Variants in KLHL22 observed in about 807,000 individuals in gnomAD.
KLHL22 encodes kelch-like protein 22.
KLHL22 carries 18 observed loss-of-function variants against 60.7 expected under a neutral mutation model. The observed-to-expected ratio is 0.30, with a 90% confidence interval of 0.20 to 0.44. KLHL22 has a LOEUF of 0.44. Among genes scored for constraint, KLHL22 ranks in the 20% least tolerant of loss-of-function variants. KLHL22 has a pLI of 1.00. For missense variants in KLHL22, 596 were observed against 852.3 expected (o/e 0.70, Z 3.74); for synonymous variants, 355 against 354.5 (o/e 1.00, Z -0.01).
chr22:20,476,380 G>A (rs1194772446), intron 2 of KLHL22, among the ~76,000 whole-genome samples: 1 of 151,624 alleles, frequency 6.6e-6, no homozygotes, highest in East Asian at 1.9e-4. Context: ...CCCTGAGCAG[G>A]GTGTGGGTGC....
chr22:20,476,818 C>T (rs2053423044), intron 2 of KLHL22, among the ~76,000 whole-genome samples: 1 of 151,324 alleles, frequency 6.6e-6, no homozygotes, highest in African/African-American at 2.4e-5. Flanking sequence ...AAGCGATTCT[C>T]CTGCCTCAGC....
chr22:20,468,658 G>T (rs177343), intron 3 of KLHL22, among the ~76,000 whole-genome samples: 97,673 of 152,058 alleles, frequency 0.64, 31,561 homozygotes, highest in Admixed American at 0.75. Context: ...ATATTGTGAA[G>T]AAGCCTGTTT....
At chr22:20,485,660 G>C (rs1263868619) in intron 2 of KLHL22, among the ~76,000 whole-genome samples, 1 of 152,214 alleles carries the variant, frequency 6.6e-6, no homozygotes, top group East Asian at 1.9e-4. Flanking sequence ...CTGAGGTCAG[G>C]AGTTGGAGAC....
At chr22:20,487,457 A>G (rs992020415) in intron 2 of KLHL22, among the ~76,000 whole-genome samples, 2 of 151,214 alleles carry the variant, frequency 1.3e-5, no homozygotes, top group Non-Finnish European at 2.9e-5. Context: ...CCTGGCCTCA[A>G]GTGATCCACC....
chr22:20,474,306 T>C (rs971457436), intron 2 of KLHL22, among the ~76,000 whole-genome samples: 2 of 152,118 alleles, frequency 1.3e-5, no homozygotes, highest in African/African-American at 4.8e-5. Context: ...GCCCGGTTTT[T>C]ACTTAACAAT....
At chr22:20,489,823 G>A (rs1243171053) in intron 1 of KLHL22, 2 of 470,776 alleles carry the variant, frequency 4.2e-6, no homozygotes, top group South Asian at 1.6e-5. Flanking sequence ...GTGCCAAGGG[G>A]GTGGCATTTC....
chr22:20,450,140 C>T, intron 5 of KLHL22: 1 of 792,614 alleles, frequency 1.3e-6, no homozygotes, highest in Non-Finnish European at 2.3e-6. Context: ...CATTATGGCC[C>T]CCAAAGACAT....
rs114337925 is a variant in KLHL22, at chr22:20,494,872, T to C, written c.-34+888A>G. On this transcript the variant is annotated intron_variant, in intron 1 of 6. Coordinates refer to ENST00000328879, the MANE Select transcript of KLHL22 (RefSeq NM_032775.4). ...GAGGAACTTTCAGTTCGGTACGATTTTACTGAGTAGATACCCTCAGCCTTC... is the reference window on the plus strand; with the variant it reads ...GAGGAACTTTCAGTTCGGTACGATTCTACTGAGTAGATACCCTCAGCCTTC... 3.3e-3 allele frequency among the ~76,000 whole-genome samples: 510 copies of C among 152,326 alleles called. 3 individuals are homozygous for C. The highest frequency in any genetic ancestry group is 0.012 in the African/African-American group (493 of 41,570).
At chr22:20,491,237 C>T (rs1405876818) in intron 1 of KLHL22, 1 of 152,196 alleles carries the variant, frequency 6.6e-6, no homozygotes, top group Non-Finnish European at 1.5e-5. Context: ...TTCAACTATC[C>T]AGAAGTTTTC....
chr22:20,453,919 G>C (rs887491902), intron 5 of KLHL22, among the ~76,000 whole-genome samples: 3 of 151,924 alleles, frequency 2.0e-5, no homozygotes, highest in African/African-American at 4.8e-5. Flanking sequence ...ATTTTTAGTA[G>C]AGATGGGGTT....
intron 5 of KLHL22, 40 bp from the exon 6 acceptor site, chr22:20,446,716 T>A (rs1173613477): frequency 2.0e-6 from 3 of 1,518,262 alleles, no homozygotes; most frequent in Admixed American, 1.7e-5. Context: ...GAGAGGGCAG[T>A]GAGGAAGGGT....
intron 2 of KLHL22, among the ~76,000 whole-genome samples, chr22:20,486,164 C>T (rs1307698789): frequency 2.1e-5 from 2 of 95,896 alleles, no homozygotes; most frequent in Non-Finnish European, 2.2e-5. Flanking sequence ...GAGATTCCGT[C>T]TCAAAAAAAA....
At position 20,446,514 on chromosome 22, in the gene KLHL22, T is replaced by G; in HGVS notation, c.1468A>C (p.Thr490Pro). ...ATCACATACAGCTTGTTGAGGAGGGTTGCCATGCCGTGCCAGGCGCGCCGC... is the reference window on the plus strand; with the variant it reads ...ATCACATACAGCTTGTTGAGGAGGGGTGCCATGCCGTGCCAGGCGCGCCGC... ...PVRRAWHGMA[T>P]LLNKLYVIGG... The change falls in exon 6 of 7, where the codon ACC (threonine) becomes CCC (proline). Residue 490 changes from threonine to proline, a missense_variant. By Grantham distance (38) the Thr-to-Pro change is conservative. Transcript: ENST00000328879. 1 of 1,613,308 alleles carries G rather than the reference T, an allele frequency of 6.2e-7. No homozygotes were observed. Among genetic ancestry groups the G allele is most frequent in the South Asian group, 1.1e-5 (1 of 91,066 alleles).
chr22:20,489,217 C>G lies in KLHL22; in HGVS notation c.-6G>C, dbSNP rs887935726. On this transcript the variant is annotated 5_prime_UTR_variant, in exon 2 of 7. Transcript: ENST00000328879. Reference sequence around the variant, plus strand: ...AACTCCTGCTCCTCTGCCATCCTGACAGCCACAAGATCCCTTACAACTGTG... The same window carrying G: ...AACTCCTGCTCCTCTGCCATCCTGAGAGCCACAAGATCCCTTACAACTGTG... The G allele has an allele frequency of 1.2e-5, 19 of 1,613,714 alleles. No homozygotes were observed. Among genetic ancestry groups the G allele is most frequent in the Non-Finnish European group, 1.5e-5 (18 of 1,180,000 alleles).
At chr22:20,444,219 A>G (rs536548542) in intron 6 of KLHL22, among the ~76,000 whole-genome samples, 1 of 152,124 alleles carries the variant, frequency 6.6e-6, no homozygotes, top group Admixed American at 6.5e-5. Flanking sequence ...CTAGCAAGGA[A>G]ATGGGACTGC....
chr22:20,456,144 A>C lies in KLHL22; in HGVS notation c.1305+1664T>G, dbSNP rs1300231191. 1.3e-5 allele frequency: 2 copies of C among 152,194 alleles called. 1 individual carries two copies. Among genetic ancestry groups the C allele is most frequent in the African/African-American group, 4.8e-5 (2 of 41,456 alleles). The allele number at this position is 152,194 out of a possible 1,614,324, so 9.4% of individuals were successfully genotyped here. On this transcript the variant is annotated intron_variant, in intron 5 of 6. Coordinates refer to ENST00000328879, the MANE Select transcript of KLHL22 (RefSeq NM_032775.4). ...CTCCTCAGATGGACATTCCCCAAAA[A>C]GTCCCTCTAGATTCATCCTACCAGA...
chr22:20,448,555 G>C (rs1326975868), intron 5 of KLHL22, among the ~76,000 whole-genome samples: 2 of 152,124 alleles, frequency 1.3e-5, no homozygotes, highest in Non-Finnish European at 2.9e-5. Flanking sequence ...TAACATTCAT[G>C]TACAGATAAG....
At chr22:20,488,856 C>T in intron 2 of KLHL22, 129 bp downstream of exon 2, 4 of 816,288 alleles carry the variant, frequency 4.9e-6, no homozygotes, top group Admixed American at 2.4e-5. Flanking sequence ...TTGACTAAGT[C>T]ATAGCCACAA....
intron 5 of KLHL22, 66 bp from the exon 6 acceptor site, chr22:20,446,742 C>G (rs2052870438): frequency 8.1e-7 from 1 of 1,237,354 alleles, no homozygotes; most frequent in Admixed American, 1.7e-5. Context: ...GGTACTCTGT[C>G]AAGGCCAATC....
Sources: gnomAD v4.1 joint callset for allele counts (sites outside exome capture counted in the v4.1 genomes callset) on GRCh38, gnomAD v4.1.1 for gene constraint, MANE v1.5 for transcripts, NCBI Gene and HGNC (gene_info 2026-07-23, HGNC 2026-07-21) for gene names.